ARB2A: variants seen among roughly 807,000 people sequenced by gnomAD.
ARB2A encodes the protein cotranscriptional regulator ARB2A.
the ARB2A span, among the ~76,000 whole-genome samples, chr5:93,895,274 A>G: frequency 6.6e-6 from 1 of 152,174 alleles, no homozygotes; most frequent in Non-Finnish European, 1.5e-5. Flanking sequence ...TTGATCATGG[A>G]TATGTAAGAG....
chr5:94,076,353 T>G, the ARB2A span, among the ~76,000 whole-genome samples: 1 of 152,206 alleles, frequency 6.6e-6, no homozygotes, highest in Non-Finnish European at 1.5e-5. Flanking sequence ...TTCTTCTTTG[T>G]ATAGGTAACT....
the ARB2A span, among the ~76,000 whole-genome samples, chr5:94,104,079 T>A: frequency 6.9e-6 from 1 of 145,018 alleles, no homozygotes; most frequent in Admixed American, 6.9e-5. Context: ...ATTAACAACC[T>A]AAAATCACAC....
the ARB2A span, among the ~76,000 whole-genome samples, chr5:93,856,402 G>A: frequency 4.6e-5 from 7 of 152,122 alleles, no homozygotes; most frequent in African/African-American, 9.7e-5. Context: ...CATTCTCCCC[G>A]TCAGTTTCAG....
the ARB2A span, among the ~76,000 whole-genome samples, chr5:94,081,598 A>G: frequency 6.6e-6 from 1 of 152,224 alleles, no homozygotes; most frequent in Non-Finnish European, 1.5e-5. Flanking sequence ...TACCAAAAAA[A>G]ACCACACATA....
the ARB2A span, among the ~76,000 whole-genome samples, chr5:93,663,502 A>G: frequency 2.0e-4 from 31 of 152,274 alleles, no homozygotes; most frequent in African/African-American, 7.2e-4. Context: ...ATTTCAACTG[A>G]TCATGTGAGA....
the ARB2A span, among the ~76,000 whole-genome samples, chr5:94,094,953 T>C: frequency 6.6e-6 from 1 of 152,174 alleles, no homozygotes; most frequent in Non-Finnish European, 1.5e-5. Flanking sequence ...GTACCAAACA[T>C]GGAACTGCCA....
chr5:93,986,982 C>G, the ARB2A span, among the ~76,000 whole-genome samples: 1 of 151,864 alleles, frequency 6.6e-6, no homozygotes, highest in African/African-American at 2.4e-5. Context: ...CCAAATCCCC[C>G]TCTCCGAGAA....
At chr5:93,653,507 GTC>G in the ARB2A span, among the ~76,000 whole-genome samples, 1 of 37,790 alleles carries the variant, frequency 2.6e-5, no homozygotes, top group East Asian at 5.9e-4. Flanking sequence ...GCGAGACTCC[GTC>G]TCAAAAAAAA....
the ARB2A span, among the ~76,000 whole-genome samples, chr5:94,080,497 T>G: frequency 4.5e-3 from 678 of 152,288 alleles, 6 homozygotes; most frequent in African/African-American, 0.016. Flanking sequence ...ATAATATGCA[T>G]GTGAACCATC....
At chr5:93,824,831 G>A in the ARB2A span, among the ~76,000 whole-genome samples, 148 of 152,316 alleles carry the variant, frequency 9.7e-4, 2 homozygotes, top group African/African-American at 3.5e-3. Context: ...GCATTTTTCT[G>A]CTAAAGCTTT....
At chr5:93,948,648 AC>A in the ARB2A span, among the ~76,000 whole-genome samples, 1 of 152,146 alleles carries the variant, frequency 6.6e-6, no homozygotes, top group Non-Finnish European at 1.5e-5. Flanking sequence ...TTTAGGTCTA[AC>A]GTTTAAGTCT....
At chr5:93,622,628 C>T in the ARB2A span, among the ~76,000 whole-genome samples, 2 of 152,208 alleles carry the variant, frequency 1.3e-5, no homozygotes, top group Non-Finnish European at 2.9e-5. Context: ...TCTCTATCCT[C>T]CTTTCCTCTG....
the ARB2A span, among the ~76,000 whole-genome samples, chr5:93,898,351 C>T: frequency 6.6e-6 from 1 of 151,894 alleles, no homozygotes; most frequent in African/African-American, 2.4e-5. Flanking sequence ...ATGACTGTTT[C>T]CATTACCCAT....
At chr5:93,766,783 C>G in the ARB2A span, among the ~76,000 whole-genome samples, 2 of 152,074 alleles carry the variant, frequency 1.3e-5, no homozygotes, top group Non-Finnish European at 2.9e-5. Context: ...AGACTTGGAA[C>G]CAACCCAAAT....
chr5:93,880,209 A>T, the ARB2A span, among the ~76,000 whole-genome samples: 2 of 151,798 alleles, frequency 1.3e-5, no homozygotes, highest in South Asian at 4.1e-4. Context: ...CTGCTTTGAG[A>T]ATTCCTTGTC....
At chr5:93,928,614 A>G in the ARB2A span, among the ~76,000 whole-genome samples, 1 of 152,170 alleles carries the variant, frequency 6.6e-6, no homozygotes, top group African/African-American at 2.4e-5. Context: ...TTATTTTTAA[A>G]AAGTTTTCCC....
the ARB2A span, among the ~76,000 whole-genome samples, chr5:93,974,726 G>C: frequency 6.6e-6 from 1 of 151,638 alleles, no homozygotes; most frequent in Non-Finnish European, 1.5e-5. Flanking sequence ...TAAATTTTTT[G>C]AAAAAACTAA....
chr5:94,081,956 T>C, the ARB2A span, among the ~76,000 whole-genome samples: 1 of 152,206 alleles, frequency 6.6e-6, no homozygotes, highest in African/African-American at 2.4e-5. Context: ...GGCAGACTCA[T>C]TTAAAGAACT....
chr5:93,755,949 T>A, the ARB2A span, among the ~76,000 whole-genome samples: 1 of 152,142 alleles, frequency 6.6e-6, no homozygotes. Context: ...CCCTTTTACT[T>A]TTGCAGCTGG....
Sources: gnomAD v4.1 joint callset for allele counts (sites outside exome capture counted in the v4.1 genomes callset) on GRCh38, gnomAD v4.1.1 for gene constraint, MANE v1.5 for transcripts, NCBI Gene and HGNC (gene_info 2026-07-23, HGNC 2026-07-21) for gene names.